MSH3: variants seen among roughly 807,000 people sequenced by gnomAD.
MSH3 encodes the protein mutS homolog 3.
MSH3 carries 106 observed loss-of-function variants against 123.3 expected under a neutral mutation model. That is an observed-to-expected ratio of 0.86 (90% CI 0.73 to 1.01). The LOEUF is 1.01. MSH3 is among the 50% of genes least tolerant of loss of function. MSH3 has a pLI of 0.00. For synonymous variants in MSH3, 515 were observed against 481.4 expected, an observed-to-expected ratio of 1.07 and a Z score of -0.91; for missense variants, 1,459 against 1,347.6, an observed-to-expected ratio of 1.08 and a Z score of -1.29.
intron 8 of MSH3, among the ~76,000 whole-genome samples, chr5:80,701,558 AT>A (rs1750611169): frequency 1.3e-5 from 2 of 151,996 alleles, no homozygotes; most frequent in South Asian, 4.2e-4. Context: ...GGATCTCTTT[AT>A]TTTTTTCTTC....
At chr5:80,733,344 C>G (rs1743445920) in intron 10 of MSH3, among the ~76,000 whole-genome samples, 1 of 151,982 alleles carries the variant, frequency 6.6e-6, no homozygotes, top group Non-Finnish European at 1.5e-5. Flanking sequence ...GGACCAAAGA[C>G]CTGATATGAG....
chr5:80,679,155 T>A lies in MSH3; in HGVS notation c.1340+62T>A. 3.3e-6 allele frequency: 5 copies of A among 1,512,252 alleles called. No individual in the cohort carries two copies. In the South Asian group the frequency reaches 5.6e-5, roughly 17 times the overall value. The allele number at this position is 1,512,252 out of a possible 1,614,324, so 93.7% of individuals were successfully genotyped here. A position where few individuals can be genotyped will look rare whatever the true frequency, so the allele number is the denominator to read the frequency against. ...TGAAACTTAGGTTTAGTTCCAAAACTGATACTTATTAAAGTTGCTAAAAAT... is the reference window on the plus strand; with the variant it reads ...TGAAACTTAGGTTTAGTTCCAAAACAGATACTTATTAAAGTTGCTAAAAAT... On this transcript the variant is annotated intron_variant, in intron 8 of 23. Coordinates refer to ENST00000265081, the MANE Select transcript of MSH3 (RefSeq NM_002439.5).
intron 19 of MSH3, among the ~76,000 whole-genome samples, chr5:80,801,061 C>T (rs1245783444): frequency 6.6e-6 from 1 of 152,148 alleles, no homozygotes; most frequent in Non-Finnish European, 1.5e-5. Context: ...GAAATCAAGT[C>T]TGGCTAGCAC....
chr5:80,868,274 A>G (rs1746139148), intron 22 of MSH3, among the ~76,000 whole-genome samples: 1 of 152,012 alleles, frequency 6.6e-6, no homozygotes, highest in South Asian at 2.1e-4. Context: ...CTGGGTATAT[A>G]CCCAGAGAAA....
At chr5:80,794,682 G>A (rs966847383) in intron 19 of MSH3, among the ~76,000 whole-genome samples, 9 of 152,188 alleles carry the variant, frequency 5.9e-5, no homozygotes, top group Admixed American at 3.3e-4. Flanking sequence ...GAGATGAAGA[G>A]ATCAAGGAAC....
chr5:80,704,989 G>A (rs777144636), intron 8 of MSH3, among the ~76,000 whole-genome samples: 2 of 152,152 alleles, frequency 1.3e-5, no homozygotes, highest in Non-Finnish European at 2.9e-5. Flanking sequence ...TACTACCTGT[G>A]AATCTTAACC....
At chr5:80,803,298 G>A (rs1267268631) in intron 19 of MSH3, among the ~76,000 whole-genome samples, 1 of 152,098 alleles carries the variant, frequency 6.6e-6, no homozygotes, top group Non-Finnish European at 1.5e-5. Context: ...ATATCTCATT[G>A]TAATTTCGAT....
intron 19 of MSH3, among the ~76,000 whole-genome samples, chr5:80,795,619 TG>T (rs1241671882): frequency 6.6e-6 from 1 of 152,206 alleles, no homozygotes; most frequent in Non-Finnish European, 1.5e-5. Context: ...CATACAAATT[TG>T]GGAGAGAGAC....
chr5:80,722,411 A>G (rs1751101057), intron 8 of MSH3, among the ~76,000 whole-genome samples: 1 of 152,236 alleles, frequency 6.6e-6, no homozygotes, highest in African/African-American at 2.4e-5. Flanking sequence ...AGATCATTAG[A>G]TATACCTACA....
chr5:80,719,088 G>T (rs909911040), intron 8 of MSH3, among the ~76,000 whole-genome samples: 1 of 149,446 alleles, frequency 6.7e-6, no homozygotes. Context: ...TTACTCTGTC[G>T]CCAGGCTGGA....
intron 20 of MSH3, among the ~76,000 whole-genome samples, chr5:80,838,855 T>C (rs1249240583): frequency 1.3e-5 from 2 of 152,196 alleles, no homozygotes; most frequent in African/African-American, 2.4e-5. Context: ...GTGACATAAA[T>C]TTTTAATTAC....
intron 13 of MSH3, among the ~76,000 whole-genome samples, chr5:80,766,339 CTTTT>C (rs1166492002): frequency 1.3e-5 from 1 of 78,210 alleles, no homozygotes; most frequent in Non-Finnish European, 2.3e-5. Context: ...TGTTTTTTTC[CTTTT>C]TTTTTTTTTT....
chr5:80,868,510 T>C (rs1746143317), intron 22 of MSH3, among the ~76,000 whole-genome samples: 1 of 149,958 alleles, frequency 6.7e-6, no homozygotes, highest in Admixed American at 6.7e-5. Context: ...AGCAAACTAA[T>C]GCAGGAACAG....
chr5:80,771,027 C>T (rs192796466), intron 15 of MSH3, among the ~76,000 whole-genome samples: 9 of 152,190 alleles, frequency 5.9e-5, no homozygotes, highest in African/African-American at 2.2e-4. Context: ...AAAGTTTCTT[C>T]GTTATTGATA....
chr5:80,788,401 C>T (rs1050347215), intron 18 of MSH3, among the ~76,000 whole-genome samples: 12 of 152,130 alleles, frequency 7.9e-5, no homozygotes, highest in Admixed American at 3.9e-4. Flanking sequence ...CGTGCCACTG[C>T]ACTCCATCCA....
chr5:80,824,182 C>T (rs1161616140), intron 20 of MSH3, among the ~76,000 whole-genome samples: 1 of 152,254 alleles, frequency 6.6e-6, no homozygotes, highest in Non-Finnish European at 1.5e-5. Flanking sequence ...CCATCGTCAT[C>T]ATGGCCCATT....
chr5:80,784,461 C>T lies in MSH3; in HGVS notation c.2436-3104C>T, dbSNP rs1032094963. 7.9e-5 allele frequency among the ~76,000 whole-genome samples: 12 copies of T among 151,610 alleles called. No homozygotes were observed. The South Asian group carries it at 8.3e-4, about 11-fold the overall frequency. On this transcript the variant is annotated intron_variant, in intron 17 of 23. Transcript: ENST00000265081. Reference sequence around the variant, plus strand: ...AGTAGGTGTATATATTTATGGGGTACGTGAGATATTTTGATACAGGCATGC... The same window carrying T: ...AGTAGGTGTATATATTTATGGGGTATGTGAGATATTTTGATACAGGCATGC...
At chr5:80,660,776 A>G (rs1377552493) in intron 2 of MSH3, among the ~76,000 whole-genome samples, 1 of 151,996 alleles carries the variant, frequency 6.6e-6, no homozygotes, top group Non-Finnish European at 1.5e-5. Context: ...GCAGGAACCC[A>G]TATTTGATTT....
At chr5:80,855,333 C>A (rs936278903) in intron 21 of MSH3, among the ~76,000 whole-genome samples, 1 of 152,076 alleles carries the variant, frequency 6.6e-6, no homozygotes, top group Non-Finnish European at 1.5e-5. Context: ...CCAATAAAAT[C>A]ATATTTTTAA....
Sources: allele counts gnomAD v4.1 joint callset (sites outside exome capture counted in the v4.1 genomes callset), GRCh38; gene constraint gnomAD v4.1.1; transcripts MANE v1.5; gene names NCBI Gene and HGNC (gene_info 2026-07-23, HGNC 2026-07-21).